ZER1: variants seen among roughly 807,000 people sequenced by gnomAD.
ZER1 encodes the protein zyg-11 related cell cycle regulator.
A neutral mutation model predicts 78.8 loss-of-function variants in ZER1; 11 were observed. The ratio of observed to expected loss-of-function variants is 0.14; its 90% CI spans 0.09 to 0.23. The LOEUF (loss-of-function observed/expected upper bound fraction) is 0.23. Among genes scored for constraint, ZER1 ranks in the 10% least tolerant of loss-of-function variants. ZER1 has a pLI of 1.00. For missense variants in ZER1, 588 were observed against 996.9 expected (o/e 0.59, Z 5.52); for synonymous variants, 400 against 407.0 (o/e 0.98, Z 0.21).
chr9:128,769,508 G>T (rs1864318494), intron 1 of ZER1, among the ~76,000 whole-genome samples: 1 of 151,688 alleles, frequency 6.6e-6, no homozygotes, highest in Non-Finnish European at 1.5e-5. Flanking sequence ...CCACCTCCCA[G>T]GTTCAAGCGA....
chr9:128,760,012 T>G (rs939619321), intron 1 of ZER1, among the ~76,000 whole-genome samples: 4 of 151,938 alleles, frequency 2.6e-5, no homozygotes, highest in African/African-American at 9.7e-5. Context: ...GTTGAGTAGC[T>G]GGGACCACAG....
intron 8 of ZER1, among the ~76,000 whole-genome samples, chr9:128,745,136 T>G (rs1234951402): frequency 6.6e-6 from 1 of 152,042 alleles, no homozygotes; most frequent in Non-Finnish European, 1.5e-5. Context: ...GCTCTCCAGT[T>G]GCTCTACATC....
At chr9:128,735,580 TC>T in intron 13 of ZER1, 149 bp from the exon 14 acceptor site, 1 of 742,352 alleles carries the variant, frequency 1.3e-6, no homozygotes, top group Non-Finnish European at 2.2e-6. Context: ...TGGCCCTGCA[TC>T]CCACTGGCAG....
At chr9:128,771,227 C>T (rs1864374398) in intron 1 of ZER1, among the ~76,000 whole-genome samples, 1 of 152,172 alleles carries the variant, frequency 6.6e-6, no homozygotes, top group South Asian at 2.1e-4. Flanking sequence ...TGTGTCATCC[C>T]TTTTGGGAGC....
intron 1 of ZER1, among the ~76,000 whole-genome samples, chr9:128,756,552 G>T (rs1275405120): frequency 6.6e-6 from 1 of 152,178 alleles, no homozygotes. Flanking sequence ...TTCATACAGT[G>T]GAATATTATT....
intron 8 of ZER1, among the ~76,000 whole-genome samples, chr9:128,745,635 G>A (rs1863462809): frequency 6.6e-6 from 1 of 151,884 alleles, no homozygotes; most frequent in South Asian, 2.1e-4. Context: ...GGGATTATAG[G>A]TGTGAGCCAC....
intron 1 of ZER1, among the ~76,000 whole-genome samples, chr9:128,760,573 C>G (rs1864009803): frequency 6.6e-6 from 1 of 152,108 alleles, no homozygotes. Flanking sequence ...ATACAATTCA[C>G]TGTAAAATTA....
In ZER1 at chr9:128,753,156, G is replaced by A; in HGVS notation, c.746+8C>T. On this transcript the variant is annotated splice_region_variant and intron_variant, in intron 4 of 15. Transcript: ENST00000291900. The surrounding 1 kb of genome is among the most constrained non-coding windows in gnomAD (Gnocchi z 7.5). ...CCCACCCTGGTGAGCTCTGGGCCAG[G>A]AGCTCACCGCAGCTTGTGCAGCTGC... is the stretch of plus-strand genomic sequence containing the variant. 1 of 1,526,334 alleles carries A rather than the reference G, an allele frequency of 6.6e-7. No homozygotes were observed. Among genetic ancestry groups the A allele is most frequent in the Non-Finnish European group, 8.8e-7 (1 of 1,134,100 alleles). The allele number at this position is 1,526,334 out of a possible 1,614,324, so 94.5% of individuals were successfully genotyped here. A position where few individuals can be genotyped will look rare whatever the true frequency, so the allele number is the denominator to read the frequency against.
rs752855006 is a variant in ZER1, at chr9:128,753,569, T to A, written c.341A>T (p.Glu114Val). 6.2e-7 allele frequency: 1 copy of A among 1,613,888 alleles called. No homozygotes were observed. Among genetic ancestry groups the A allele is most frequent in the South Asian group, 1.1e-5 (1 of 91,092 alleles). The change falls in exon 4 of 16, where the codon GAG (glutamate) becomes GTG (valine). Residue 114 changes from glutamate (E) to valine (V), a missense_variant. By Grantham distance (121) the Glu-to-Val change is moderately radical. Around this residue, in one of 3 missense-constraint regions of ZER1, gnomAD observed 406 missense variants for 660.1 expected, o/e 0.62. Coordinates refer to ENST00000291900, the MANE Select transcript of ZER1 (RefSeq NM_006336.4). The surrounding 1 kb of genome is among the most constrained non-coding windows in gnomAD (Gnocchi z 7.5). ...DLVELYLTNC[E>V]KLSAKSLQTL... The stretch of plus-strand genomic sequence containing the variant: ...CTGCAGGCTCTTGGCGGACAGCTTC[T>A]CGCAGTTAGTCAGGTACAGCTCCAC...
rs1449654474 is a variant in ZER1, at chr9:128,735,552, CCAGGG to C, written c.2043-126_2043-122del. 4 of 974,986 alleles carry C rather than the reference CCAGGG, an allele frequency of 4.1e-6. No homozygotes were observed. The African/African-American group carries it at 6.6e-5, about 16-fold the overall frequency. The allele number at this position is 974,986 out of a possible 1,614,324, so 60.4% of individuals were successfully genotyped here. A position where few individuals can be genotyped will look rare whatever the true frequency, so the allele number is the denominator to read the frequency against. On this transcript the variant is annotated intron_variant, in intron 13 of 15. Transcript: ENST00000291900. ...CCAACCATGATAGGCTGGCAGGATG[CCAGGG>C]AGAAGGGACAGCTGGCCCTGCATCC...
At position 128,753,628 on chromosome 9, in the gene ZER1, TCAC is replaced by T. The variant is rs1339081099; in HGVS notation, c.310-31_310-29del. On this transcript the variant is annotated intron_variant, in intron 3 of 15. Coordinates refer to ENST00000291900, the MANE Select transcript of ZER1 (RefSeq NM_006336.4). This position sits in a 1 kb window ranked among gnomAD's most constrained non-coding sequence, Gnocchi z 7.5. ...GGGAGTGGGCACAGCTCCATCATCA[TCAC>T]CACCCTTGCCCCTTCCCCCGGCCCC... is the stretch of plus-strand genomic sequence containing the variant. The T allele has an allele frequency of 2.1e-5, 33 of 1,606,406 alleles. No homozygotes were observed. Among genetic ancestry groups the T allele is most frequent in the Non-Finnish European group, 2.8e-5 (33 of 1,176,122 alleles).
chr9:128,761,933 G>C (rs1005883640), intron 1 of ZER1, among the ~76,000 whole-genome samples: 1 of 129,046 alleles, frequency 7.7e-6, no homozygotes, highest in Non-Finnish European at 1.6e-5. Context: ...GGAAACTCAA[G>C]GTCAAACAGA....
Position 128,751,436 on chromosome 9 carries a change from G to A in ZER1, c.1015C>T (p.Leu339Phe). 6.2e-7 allele frequency: 1 copy of A among 1,614,114 alleles called. No homozygotes were observed. Among genetic ancestry groups the A allele is most frequent in the Non-Finnish European group, 8.5e-7 (1 of 1,180,026 alleles). ...LGLFENSLCR[L>F]THIPAYKVSG... ...ACTTTGTAGGCTGGAATGTGCGTGA[G>A]GCGGCACAGAGAGTTCTCAAAGAGC... The change falls in exon 6 of 16, where the codon CTC (leucine) becomes TTC (phenylalanine). Residue 339 changes from leucine (L) to phenylalanine (F), a missense_variant. This residue lies in a region of ZER1 where 406 missense variants were observed against 660.1 expected (regional missense o/e 0.62). Coordinates refer to ENST00000291900, the MANE Select transcript of ZER1 (RefSeq NM_006336.4). This position sits in a 1 kb window ranked among gnomAD's most constrained non-coding sequence, Gnocchi z 5.4.
chr9:128,735,388 G>C lies in ZER1; in HGVS notation c.2086C>G (p.Pro696Ala), dbSNP rs773864411. 24 of 1,614,052 alleles carry C rather than the reference G, an allele frequency of 1.5e-5. No individual in the cohort carries two copies. The Admixed American group carries it at 3.0e-4, about 20-fold the overall frequency. ...ILRLLPQGIS[P>A]VSQHWATWAL... is the part of the protein sequence containing the mutation. ...CAGGTTGCCCAGTGCTGGCTGACAG[G>C]AGAGATTCCCTGGGGAAGGAGGCGG... is the stretch of plus-strand genomic sequence containing the variant. Residue 696 changes from proline to alanine, a missense_variant, in exon 14 of 16, where the codon CCT becomes GCT. By Grantham distance (27) the Pro-to-Ala change is conservative. Around this residue, in one of 3 missense-constraint regions of ZER1, gnomAD observed 122 missense variants for 173.5 expected, o/e 0.70. Transcript: ENST00000291900.
At chr9:128,741,494 G>A (rs1027238619) in intron 11 of ZER1, 41 bp downstream of exon 11, 1 of 1,613,492 alleles carries the variant, frequency 6.2e-7, no homozygotes, top group African/African-American at 1.3e-5. Context: ...GGGGCCATGT[G>A]GGCAGCTGAG....
chr9:128,734,144 A>AAATAT lies in ZER1; in HGVS notation c.2141-617_2141-616insATATT. 5.5e-4 allele frequency among the ~76,000 whole-genome samples: 8 copies of AAATAT among 14,446 alleles called. 1 individual carries two copies. The highest frequency in any genetic ancestry group is 4.2e-3 in the South Asian group (1 of 240). The allele number at this position is 14,446 out of a possible 152,430, so 9.5% of individuals were successfully genotyped here. ...CTCCGTCTCAAAAAAAAAAAAAAAAAATATATATATATATATATAAAATCT... is the reference window on the plus strand; with the variant it reads ...CTCCGTCTCAAAAAAAAAAAAAAAAAAATATATATATATATATATATATAAAATCT... On this transcript the variant is annotated intron_variant, in intron 14 of 15. Transcript: ENST00000291900.
intron 1 of ZER1, among the ~76,000 whole-genome samples, chr9:128,759,853 T>C (rs1863987711): frequency 6.6e-6 from 1 of 152,152 alleles, no homozygotes; most frequent in African/African-American, 2.4e-5. Context: ...TCTTTCCTTA[T>C]GTATGTATTT....
chr9:128,755,771 T>C lies in ZER1; in HGVS notation c.-94-112A>G. On this transcript the variant is annotated intron_variant, in intron 1 of 15. Transcript: ENST00000291900. This position sits in a 1 kb window ranked among gnomAD's most constrained non-coding sequence, Gnocchi z 5.6. ...TGAGACCACACTCCAATTAGCAGCT[T>C]AGCAGGGCCAGGCCCAGGTCTCCTG... 1 of 632,202 alleles carries C rather than the reference T, an allele frequency of 1.6e-6. No homozygotes were observed. Among genetic ancestry groups the C allele is most frequent in the Non-Finnish European group, 2.6e-6 (1 of 378,686 alleles). 39.2% of individuals were successfully genotyped at this position (632,202 alleles called of 1,614,324 possible).
At chr9:128,758,256 A>T (rs1348056824) in intron 1 of ZER1, among the ~76,000 whole-genome samples, 1 of 151,138 alleles carries the variant, frequency 6.6e-6, no homozygotes, top group Non-Finnish European at 1.5e-5. Flanking sequence ...AATACCTGGG[A>T]TTACAAGCGT....
Sources: gnomAD v4.1 joint callset for allele counts (sites outside exome capture counted in the v4.1 genomes callset) on GRCh38, gnomAD v4.1.1 for gene constraint, gnomAD v4.1.1 regional missense constraint, Gnocchi (gnomAD v3.1) non-coding constraint, MANE v1.5 for transcripts, NCBI Gene and HGNC (gene_info 2026-07-23, HGNC 2026-07-21) for gene names.